The following NALCN variants were observed in gnomAD, a reference collection of about 807,000 sequenced individuals.
The protein encoded by NALCN is sodium leak channel NALCN.
Under a neutral mutation model 225.3 loss-of-function variants are expected in NALCN, and 111 were observed. That is an observed-to-expected ratio of 0.49 (90% CI 0.42 to 0.58). The LOEUF (loss-of-function observed/expected upper bound fraction) is 0.58. Among genes scored for constraint, NALCN ranks in the 20% least tolerant of loss-of-function variants. NALCN has a pLI of 0.00. For synonymous variants in NALCN, 764 were observed against 769.0 expected (o/e 0.99, Z 0.11); for missense variants, 1,378 against 2,202.4 (o/e 0.63, Z 7.49).
Position 101,136,525 on chromosome 13 carries a change from G to T in NALCN, c.2118+6555C>A, listed in dbSNP as rs549558276. Among the ~76,000 whole-genome samples, 158 of 146,382 alleles carry T rather than the reference G, an allele frequency of 1.1e-3. 1 individual carries two copies. Among genetic ancestry groups the T allele is most frequent in the Non-Finnish European group, 1.9e-3 (126 of 67,466 alleles). On this transcript the variant is annotated intron_variant, in intron 17 of 43. Transcript: ENST00000251127. ...TGTGTCCAAGTGTTCTCATTGTTCA[G>T]TTCCCACCTATGAGTGAGAACATGC...
At chr13:101,142,920 A>G in intron 17 of NALCN, 160 bp downstream of exon 17, 1 of 1,067,882 alleles carries the variant, frequency 9.4e-7, no homozygotes, top group Non-Finnish European at 1.4e-6. Context: ...TGCATAGAGT[A>G]AAAAATGTTA....
At chr13:101,222,358 C>T (rs1255995740) in intron 13 of NALCN, among the ~76,000 whole-genome samples, 1 of 152,086 alleles carries the variant, frequency 6.6e-6, no homozygotes. Flanking sequence ...TCCTTCAACC[C>T]GCTATCTCTC....
intron 6 of NALCN, among the ~76,000 whole-genome samples, chr13:101,364,985 C>T (rs2046341753): frequency 6.6e-6 from 1 of 152,050 alleles, no homozygotes; most frequent in Non-Finnish European, 1.5e-5. Flanking sequence ...TTGATAAAGT[C>T]CTTAGAAATT....
chr13:101,106,909 C>T (rs2035144989), intron 22 of NALCN, among the ~76,000 whole-genome samples: 1 of 152,140 alleles, frequency 6.6e-6, no homozygotes, highest in Non-Finnish European at 1.5e-5. Flanking sequence ...CCATTTGTTG[C>T]CTGTCAAACT....
At position 101,182,370 on chromosome 13, in the gene NALCN, C is replaced by T. The variant is rs117844185; in HGVS notation, c.1765-5996G>A. 7.8e-3 allele frequency among the ~76,000 whole-genome samples: 1,194 copies of T among 152,206 alleles called. 13 individuals carry two copies. Among genetic ancestry groups the T allele is most frequent in the South Asian group, 0.049 (236 of 4,826 alleles). ...GAGCTTTGGCTTCTCTGGGAAAACG[C>T]TGCGTGACTTCACAACAGGAAGGCC... On this transcript the variant is annotated intron_variant, in intron 14 of 43. Transcript: ENST00000251127.
At chr13:101,385,092 T>C (rs1282184325) in intron 3 of NALCN, among the ~76,000 whole-genome samples, 2 of 152,178 alleles carry the variant, frequency 1.3e-5, no homozygotes, top group Admixed American at 6.5e-5. Context: ...TTGCAGAGCC[T>C]GCTGGGCCCT....
intron 6 of NALCN, among the ~76,000 whole-genome samples, chr13:101,374,272 CTTTTTTTTT>C (rs869167949): frequency 3.3e-5 from 4 of 119,928 alleles, no homozygotes; most frequent in African/African-American, 1.3e-4. Context: ...AAATTTCTTT[CTTTTTTTTT>C]TTTTTTTTTT....
intron 28 of NALCN, among the ~76,000 whole-genome samples, chr13:101,091,168 A>G (rs2034211469): frequency 6.6e-6 from 1 of 152,158 alleles, no homozygotes; most frequent in East Asian, 1.9e-4. Context: ...TTTGATAACC[A>G]AACACTGGAA....
chr13:101,217,779 T>C (rs1314042248), intron 13 of NALCN, among the ~76,000 whole-genome samples: 1 of 152,164 alleles, frequency 6.6e-6, no homozygotes, highest in African/African-American at 2.4e-5. Context: ...ATAACTGATC[T>C]ACTCTGTGTC....
chr13:101,254,595 G>C (rs1408929184), intron 11 of NALCN, among the ~76,000 whole-genome samples: 1 of 151,730 alleles, frequency 6.6e-6, no homozygotes, highest in Admixed American at 6.6e-5. Flanking sequence ...GCTTTGTTAA[G>C]AATGAATGAC....
intron 11 of NALCN, among the ~76,000 whole-genome samples, chr13:101,250,240 C>G (rs1452327597): frequency 6.6e-6 from 1 of 151,980 alleles, no homozygotes; most frequent in African/African-American, 2.4e-5. Flanking sequence ...ATGTTCTTAA[C>G]ATCAATTAAA....
At chr13:101,362,132 C>G (rs1172804232) in intron 6 of NALCN, among the ~76,000 whole-genome samples, 5 of 151,796 alleles carry the variant, frequency 3.3e-5, no homozygotes, top group African/African-American at 1.2e-4. Flanking sequence ...TATAATATAT[C>G]ACTAGTTTAT....
intron 11 of NALCN, among the ~76,000 whole-genome samples, chr13:101,249,284 A>G (rs181939469): frequency 6.9e-4 from 105 of 152,316 alleles, no homozygotes; most frequent in Admixed American, 2.2e-3. Flanking sequence ...AAACCATAAA[A>G]TAAGTCATTA....
intron 18 of NALCN, among the ~76,000 whole-genome samples, chr13:101,117,968 A>G (rs918872326): frequency 6.6e-6 from 1 of 152,140 alleles, no homozygotes; most frequent in Non-Finnish European, 1.5e-5. Context: ...TTTTTAGAGC[A>G]CTCAAATTAC....
At chr13:101,192,096 C>T in intron 13 of NALCN, 42 bp from the exon 14 acceptor site, 3 of 1,561,056 alleles carry the variant, frequency 1.9e-6, no homozygotes, top group Non-Finnish European at 2.6e-6. Context: ...TAGCTTTAGG[C>T]TTGCATACAA....
At chr13:101,103,982 A>G (rs2139612941) in intron 25 of NALCN, among the ~76,000 whole-genome samples, 1 of 152,288 alleles carries the variant, frequency 6.6e-6, no homozygotes, top group South Asian at 2.1e-4. Context: ...TTAGTATAGA[A>G]GCCATAAGGT....
chr13:101,061,888 G>C (rs1397203130), intron 41 of NALCN, 80 bp downstream of exon 41: 2 of 1,373,866 alleles, frequency 1.5e-6, no homozygotes, highest in Non-Finnish European at 2.0e-6. Context: ...CCATGTTCAC[G>C]AAGCTCTTTT....
At position 101,238,046 on chromosome 13, in the gene NALCN, C is replaced by A. The variant is rs950532902; in HGVS notation, c.1267-124G>T. The A allele has an allele frequency of 3.1e-5, 22 of 702,932 alleles. No homozygotes were observed. In the Admixed American group the frequency reaches 4.7e-4, roughly 15 times the overall value. The allele number at this position is 702,932 out of a possible 1,614,324, so 43.5% of individuals were successfully genotyped here. Reference sequence around the variant, plus strand: ...TATACACTAAGGTGCCCCATAAGGTCAAGAATGACATTTTACTTTAAGAAT... The same window carrying A: ...TATACACTAAGGTGCCCCATAAGGTAAAGAATGACATTTTACTTTAAGAAT... On this transcript the variant is annotated intron_variant, in intron 11 of 43. Transcript: ENST00000251127.
Position 101,082,925 on chromosome 13 carries a change from G to A in NALCN, c.3691-42C>T, listed in dbSNP as rs372666700. ...ACACGAGTCGTTGCCCACGTCCATC[G>A]GACACATACAGGCTTGCCCCTCTTC... On this transcript the variant is annotated intron_variant, in intron 32 of 43. Coordinates refer to ENST00000251127, the MANE Select transcript of NALCN (RefSeq NM_052867.4). The A allele has an allele frequency of 5.6e-6, 9 of 1,608,736 alleles. No individual in the cohort carries two copies. In the East Asian group the frequency reaches 6.7e-5, roughly 12 times the overall value.
Sources: gnomAD v4.1 joint callset for allele counts (sites outside exome capture counted in the v4.1 genomes callset) on GRCh38, gnomAD v4.1.1 for gene constraint, MANE v1.5 for transcripts, NCBI Gene and HGNC (gene_info 2026-07-23, HGNC 2026-07-21) for gene names.